Variants in KIF5A observed in about 807,000 individuals in gnomAD.
KIF5A encodes kinesin heavy chain isoform 5A.
KIF5A carries 35 observed loss-of-function variants against 141.3 expected under a neutral mutation model. The observed-to-expected ratio is 0.25, with a 90% CI of 0.19 to 0.33. KIF5A has a LOEUF of 0.33. Ranked by LOEUF, KIF5A falls within the 10% of genes least tolerant of loss-of-function variation. The probability of loss-of-function intolerance (pLI) is 1.00; values close to 1 mark genes in which losing one functional copy is unlikely to be tolerated. For synonymous variants in KIF5A, 448 were observed against 500.2 expected (o/e 0.90, Z 1.39); for missense variants, 861 against 1,314.3 (o/e 0.66, Z 5.33).
At chr12:57,576,615 A>G (rs1882434131) in intron 19 of KIF5A, 146 bp from the exon 20 acceptor site, 3 of 733,504 alleles carry the variant, frequency 4.1e-6, no homozygotes, top group African/African-American at 3.5e-5. Context: ...CAGTGGCCTG[A>G]GTCTGCCTCT....
Position 57,570,233 on chromosome 12 carries a change from T to C in KIF5A, c.1293+71T>C. ...GAGGTAGACGATCAAAGAAAATCGC[T>C]TATATTGCCTCTTTCTGGTTTTAAA... On this transcript the variant is annotated intron_variant, in intron 12 of 28. Transcript: ENST00000455537. The C allele has an allele frequency of 2.6e-5, 36 of 1,394,226 alleles. 1 individual carries two copies. In the South Asian group the frequency reaches 4.3e-4, roughly 17 times the overall value. 86.4% of individuals were successfully genotyped at this position (1,394,226 alleles called of 1,614,324 possible). A position where few individuals can be genotyped will look rare whatever the true frequency, so the allele number is the denominator to read the frequency against.
At chr12:57,579,219 G>A (rs943523347) in intron 23 of KIF5A, among the ~76,000 whole-genome samples, 1 of 152,138 alleles carries the variant, frequency 6.6e-6, no homozygotes, top group Admixed American at 6.5e-5. Flanking sequence ...ATGGGCTGGG[G>A]ATGCAGAAGG....
At chr12:57,555,638 C>T (rs568627493) in intron 1 of KIF5A, among the ~76,000 whole-genome samples, 6 of 151,592 alleles carry the variant, frequency 4.0e-5, no homozygotes, top group Non-Finnish European at 8.8e-5. Flanking sequence ...TGGCTGGGCA[C>T]GGTGGCTCAC....
chr12:57,570,214 G>T (rs1882209613), intron 12 of KIF5A, 52 bp downstream of exon 12: 1 of 1,562,394 alleles, frequency 6.4e-7, no homozygotes, highest in Non-Finnish European at 8.8e-7. Flanking sequence ...ATGAGAGGTA[G>T]ACGATCAAAG....
chr12:57,564,304 G>T, intron 4 of KIF5A, 92 bp downstream of exon 4: 1 of 1,120,528 alleles, frequency 8.9e-7, no homozygotes, highest in Non-Finnish European at 1.4e-6. Flanking sequence ...TCCCCAACTT[G>T]ACTCCCTTTC....
chr12:57,569,172 C>T (rs376744186), intron 9 of KIF5A, 84 bp from the exon 10 acceptor site: 16 of 1,580,352 alleles, frequency 1.0e-5, no homozygotes, highest in Non-Finnish European at 1.4e-5. Flanking sequence ...GTTGTCTGAT[C>T]CCGGGGTGGC....
At position 57,575,659 on chromosome 12, in the gene KIF5A, C is replaced by T. The variant is rs1422332328; in HGVS notation, c.1925C>T (p.Ser642Leu). The change falls in exon 17 of 29, where the codon TCG (serine) becomes TTG (leucine). Residue 642 changes from serine (S) to leucine (L), a missense_variant. Coordinates refer to ENST00000455537, the MANE Select transcript of KIF5A (RefSeq NM_004984.4). ...CACCAGCATGAGGCCAAGATCCGCT[C>T]GCTTACGGAATACATGCAGAGCGTG... ...LISQHEAKIR[S>L]LTEYMQSVEL... 1 of 1,614,138 alleles carries T rather than the reference C, an allele frequency of 6.2e-7. No individual in the cohort carries two copies. The highest frequency in any genetic ancestry group is 1.7e-5 in the Admixed American group (1 of 60,018).
chr12:57,576,215 C>T, intron 18 of KIF5A, 54 bp from the exon 19 acceptor site: 2 of 1,610,014 alleles, frequency 1.2e-6, no homozygotes, highest in Non-Finnish European at 1.7e-6. Context: ...CTGGCCCTCA[C>T]AGAGCTTGTT....
chr12:57,561,610 T>C (rs1338854083), intron 1 of KIF5A, among the ~76,000 whole-genome samples: 2 of 152,188 alleles, frequency 1.3e-5, no homozygotes, highest in African/African-American at 4.8e-5. Flanking sequence ...AAAACATTTA[T>C]TAGTTTTCTT....
rs1458269992 is a variant in KIF5A at position 57,569,892 on chromosome 12, CAAG to C, written c.1118-93_1118-91del. 5.5e-6 allele frequency: 8 copies of C among 1,463,262 alleles called. No homozygotes were observed. The East Asian group carries it at 1.9e-4, about 35-fold the overall frequency. 90.6% of individuals were successfully genotyped at this position (1,463,262 alleles called of 1,614,324 possible). On this transcript the variant is annotated intron_variant, in intron 11 of 28. Coordinates refer to ENST00000455537, the MANE Select transcript of KIF5A (RefSeq NM_004984.4). ...CCCAAAAGGTAGAGGGTCCACCTGG[CAAG>C]AGAGTTCAAGGGGCATGGTGAGTGA...
chr12:57,566,533 C>A (rs765322425), intron 6 of KIF5A, among the ~76,000 whole-genome samples: 4 of 151,838 alleles, frequency 2.6e-5, no homozygotes, highest in Non-Finnish European at 4.4e-5. Context: ...GCCTCAGCCT[C>A]CTGAGTAGCT....
At chr12:57,575,980 A>G in intron 17 of KIF5A, 107 bp from the exon 18 acceptor site, 1 of 1,091,254 alleles carries the variant, frequency 9.2e-7, no homozygotes, top group South Asian at 1.2e-5. Flanking sequence ...ACAGAAGAAC[A>G]TCCCTGTGGG....
Position 57,572,333 on chromosome 12 carries a change from T to G in KIF5A, c.1569+66T>G. 2.7e-6 allele frequency: 4 copies of G among 1,491,948 alleles called. No individual in the cohort carries two copies. The highest frequency in any genetic ancestry group is 2.7e-6 in the Non-Finnish European group (3 of 1,092,996). 92.4% of individuals were successfully genotyped at this position (1,491,948 alleles called of 1,614,324 possible). A position where few individuals can be genotyped will look rare whatever the true frequency, so the allele number is the denominator to read the frequency against. ...GAACATCTCCCATGTCGAGGGGACCTCTGCATCCTTCCAGGGCTGTATGGT... is the reference window on the plus strand; with the variant it reads ...GAACATCTCCCATGTCGAGGGGACCGCTGCATCCTTCCAGGGCTGTATGGT... On this transcript the variant is annotated intron_variant, in intron 14 of 28. Coordinates refer to ENST00000455537, the MANE Select transcript of KIF5A (RefSeq NM_004984.4). This position sits in a 1 kb window ranked among gnomAD's most constrained non-coding sequence, Gnocchi z 4.2.
intron 21 of KIF5A, 102 bp downstream of exon 21, chr12:57,577,875 G>A: frequency 8.0e-7 from 1 of 1,256,880 alleles, no homozygotes; most frequent in Non-Finnish European, 1.2e-6. Flanking sequence ...CCATTCTGTA[G>A]CGTAATCAAG....
chr12:57,569,629 G>T lies in KIF5A; in HGVS notation c.1063G>T (p.Ala355Ser), dbSNP rs749301835. Residue 355 changes from alanine (A) to serine (S), a missense_variant, in exon 11 of 29, where the codon GCC becomes TCC. This residue lies in a region of KIF5A where 167 missense variants were observed against 192.0 expected (regional missense o/e 0.87). Coordinates refer to ENST00000455537, the MANE Select transcript of KIF5A (RefSeq NM_004984.4). ...KYEKEKEKTKAQKETIAKLEA... is the reference protein window; with the variant it reads ...KYEKEKEKTKSQKETIAKLEA... Reference sequence around the variant, plus strand: ...TGAGAAGGAGAAGGAGAAGACAAAGGCCCAGAAGGAGACGATTGCGAAGCT... The same window carrying T: ...TGAGAAGGAGAAGGAGAAGACAAAGTCCCAGAAGGAGACGATTGCGAAGCT... 10 of 1,614,018 alleles carry T rather than the reference G, an allele frequency of 6.2e-6. No individual in the cohort carries two copies. The highest frequency in any genetic ancestry group is 8.5e-6 in the Non-Finnish European group (10 of 1,180,044).
At position 57,577,704 on chromosome 12, in the gene KIF5A, T is replaced by C. The variant is rs776883892; in HGVS notation, c.2301-9T>C. The C allele has an allele frequency of 6.2e-7, 1 of 1,612,558 alleles. No individual in the cohort carries two copies. Among genetic ancestry groups the C allele is most frequent in the South Asian group, 1.1e-5 (1 of 91,050 alleles). ...GATCTTTCCATTTCCCTTATTTCTC[T>C]TGCTACAGATTTCTGTACGAGCGAC... On this transcript the variant is annotated splice_polypyrimidine_tract_variant and intron_variant, in intron 20 of 28. Coordinates refer to ENST00000455537, the MANE Select transcript of KIF5A (RefSeq NM_004984.4).
chr12:57,564,994 C>T (rs375200824), intron 6 of KIF5A, 21 bp downstream of exon 6: 12 of 1,610,686 alleles, frequency 7.5e-6, no homozygotes, highest in South Asian at 5.5e-5. Context: ...GTGTGGGGCA[C>T]CTATGTGGGG....
intron 23 of KIF5A, 43 bp from the exon 24 acceptor site, chr12:57,580,913 A>T: frequency 2.5e-6 from 4 of 1,598,144 alleles, no homozygotes; most frequent in South Asian, 1.1e-5. Context: ...GTCTTGGGTC[A>T]CTTGCCTTCC....
At chr12:57,560,908 T>C (rs1456102137) in intron 1 of KIF5A, among the ~76,000 whole-genome samples, 1 of 152,114 alleles carries the variant, frequency 6.6e-6, no homozygotes, top group Non-Finnish European at 1.5e-5. Flanking sequence ...GAGGATTGCT[T>C]GGGCCTGGGA....
Sources: allele counts gnomAD v4.1 joint callset (sites outside exome capture counted in the v4.1 genomes callset), GRCh38; gene constraint gnomAD v4.1.1; regional missense constraint gnomAD v4.1.1; non-coding constraint Gnocchi (gnomAD v3.1); transcripts MANE v1.5; gene names NCBI Gene and HGNC (gene_info 2026-07-23, HGNC 2026-07-21).